ATP8A2: variants seen among roughly 807,000 people sequenced by gnomAD.
The protein encoded by ATP8A2 is phospholipid-transporting ATPase IB.
In ATP8A2, 100 loss-of-function variants were observed where a neutral mutation model predicts 165.6. The ratio of observed to expected loss-of-function variants is 0.60; its 90% CI spans 0.51 to 0.71. The LOEUF is 0.71. Ranked by LOEUF, ATP8A2 falls within the 30% of genes least tolerant of loss-of-function variation. The probability of loss-of-function intolerance (pLI) is 0.00; values close to 1 mark genes in which losing one functional copy is unlikely to be tolerated. For synonymous variants in ATP8A2, 543 were observed against 548.8 expected (o/e 0.99, Z 0.15); for missense variants, 1,227 against 1,479.5 (o/e 0.83, Z 2.80).
chr13:26,009,763 T>A (rs539908951), intron 35 of ATP8A2, among the ~76,000 whole-genome samples: 75 of 152,294 alleles, frequency 4.9e-4, no homozygotes, highest in African/African-American at 1.8e-3. Context: ...AAGTCACATT[T>A]TTAAATAATA....
chr13:25,763,142 C>T (rs2044417684), intron 25 of ATP8A2, among the ~76,000 whole-genome samples: 1 of 152,102 alleles, frequency 6.6e-6, no homozygotes, highest in Non-Finnish European at 1.5e-5. Context: ...AACGCTCATC[C>T]CTGAAAGTCT....
chr13:25,513,763 C>G (rs930273386), intron 2 of ATP8A2, among the ~76,000 whole-genome samples: 2 of 152,170 alleles, frequency 1.3e-5, no homozygotes, highest in South Asian at 2.1e-4. Context: ...GAGACCAGCC[C>G]GGGCAACACA....
At chr13:25,700,828 G>A (rs1456646288) in intron 25 of ATP8A2, among the ~76,000 whole-genome samples, 1 of 152,194 alleles carries the variant, frequency 6.6e-6, no homozygotes, top group African/African-American at 2.4e-5. Context: ...CTGGCAATAT[G>A]TGATTGTTTC....
At chr13:25,936,876 G>T (rs369842099) in intron 33 of ATP8A2, among the ~76,000 whole-genome samples, 4 of 152,284 alleles carry the variant, frequency 2.6e-5, no homozygotes, top group East Asian at 3.9e-4. Context: ...GGTCTGAGGC[G>T]TGGAACTCTG....
intron 24 of ATP8A2, among the ~76,000 whole-genome samples, chr13:25,668,575 A>C (rs922558067): frequency 3.3e-5 from 5 of 152,142 alleles, no homozygotes; most frequent in African/African-American, 1.2e-4. Context: ...TCTTTCATCA[A>C]ATTTGGGAGT....
intron 33 of ATP8A2, among the ~76,000 whole-genome samples, chr13:25,906,525 C>G (rs1237290098): frequency 1.3e-5 from 2 of 152,108 alleles, no homozygotes; most frequent in African/African-American, 4.8e-5. Context: ...CTCCTCTCCT[C>G]TCTGCCTTTT....
At chr13:25,929,851 C>T (rs1169035387) in intron 33 of ATP8A2, among the ~76,000 whole-genome samples, 1 of 152,154 alleles carries the variant, frequency 6.6e-6, no homozygotes, top group South Asian at 2.1e-4. Flanking sequence ...CCAAACCTTG[C>T]CTAATCCTGT....
chr13:25,794,434 A>G (rs1950455282), intron 27 of ATP8A2, among the ~76,000 whole-genome samples: 1 of 152,182 alleles, frequency 6.6e-6, no homozygotes. Context: ...CTTTCGTATG[A>G]TTTTGTATAA....
intron 33 of ATP8A2, among the ~76,000 whole-genome samples, chr13:25,869,940 G>A (rs1952629227): frequency 6.6e-6 from 1 of 152,238 alleles, no homozygotes; most frequent in Admixed American, 6.5e-5. Flanking sequence ...CACAAGGACA[G>A]AGGGCTTTGT....
At chr13:25,724,294 C>A (rs2043447564) in intron 25 of ATP8A2, among the ~76,000 whole-genome samples, 1 of 152,158 alleles carries the variant, frequency 6.6e-6, no homozygotes, top group Non-Finnish European at 1.5e-5. Flanking sequence ...CCCAGCACTC[C>A]AGAGAAAGAT....
intron 1 of ATP8A2, among the ~76,000 whole-genome samples, chr13:25,373,161 G>A (rs748921452): frequency 2.0e-5 from 3 of 152,176 alleles, no homozygotes; most frequent in Non-Finnish European, 4.4e-5. Context: ...ATTTCTTACC[G>A]TTTCAGGACT....
At chr13:25,412,829 T>G (rs541464682) in intron 1 of ATP8A2, among the ~76,000 whole-genome samples, 2 of 152,140 alleles carry the variant, frequency 1.3e-5, no homozygotes, top group East Asian at 3.9e-4. Flanking sequence ...GGATCAATTT[T>G]TTTTGGGGGG....
chr13:25,676,669 A>G (rs2137781800), intron 24 of ATP8A2, among the ~76,000 whole-genome samples: 1 of 152,086 alleles, frequency 6.6e-6, no homozygotes. Flanking sequence ...CAGACAACAC[A>G]TTAAGTGATT....
intron 25 of ATP8A2, among the ~76,000 whole-genome samples, chr13:25,733,875 C>T (rs762782238): frequency 3.9e-5 from 6 of 152,180 alleles, no homozygotes; most frequent in African/African-American, 7.2e-5. Flanking sequence ...GTTTAACACC[C>T]TTTGATGTCA....
intron 25 of ATP8A2, among the ~76,000 whole-genome samples, chr13:25,742,182 G>T (rs1418108245): frequency 6.6e-6 from 1 of 152,082 alleles, no homozygotes; most frequent in Non-Finnish European, 1.5e-5. Flanking sequence ...AATACTGTAG[G>T]TGATTGCAAC....
At chr13:25,439,512 T>C (rs1168562899) in intron 1 of ATP8A2, among the ~76,000 whole-genome samples, 2 of 152,240 alleles carry the variant, frequency 1.3e-5, no homozygotes, top group East Asian at 3.8e-4. Context: ...GTCAGACTTT[T>C]AAAGCTTTCT....
At position 25,869,970 on chromosome 13, in the gene ATP8A2, T is replaced by G. The variant is rs549936371; in HGVS notation, c.3183+7562T>G. On this transcript the variant is annotated intron_variant, in intron 33 of 36. Coordinates refer to ENST00000381655, the MANE Select transcript of ATP8A2 (RefSeq NM_016529.6). ...CTTTGTGTATCCCAGGTTCTTGCCT[T>G]GGTTTACCGGAAGAATCAGATCACA... is the stretch of plus-strand genomic sequence containing the variant. 3.3e-5 allele frequency among the ~76,000 whole-genome samples: 5 copies of G among 152,334 alleles called. No individual in the cohort carries two copies. The South Asian group carries it at 1.0e-3, about 32-fold the overall frequency.
intron 13 of ATP8A2, among the ~76,000 whole-genome samples, chr13:25,558,455 T>C (rs1464131821): frequency 1.3e-5 from 2 of 152,222 alleles, no homozygotes; most frequent in Admixed American, 6.5e-5. Flanking sequence ...TATTGTATCA[T>C]TAAGAAAAAT....
rs186824751 is a variant in ATP8A2, at chr13:26,023,421, G to A, written c.*3436G>A. 6.6e-5 allele frequency: 10 copies of A among 152,242 alleles called. No homozygotes were observed. In the East Asian group the frequency reaches 9.7e-4, roughly 15 times the overall value. 9.4% of individuals were successfully genotyped at this position (152,242 alleles called of 1,614,324 possible). ...TTTCCCTTGACAAGGCTTCAGGTTC[G>A]TCTCACTATAGGGAGCTGGCTGTGA... On this transcript the variant is annotated 3_prime_UTR_variant, in exon 37 of 37. Transcript: ENST00000381655.
Sources: allele counts gnomAD v4.1 joint callset (sites outside exome capture counted in the v4.1 genomes callset), GRCh38; gene constraint gnomAD v4.1.1; transcripts MANE v1.5; gene names NCBI Gene and HGNC (gene_info 2026-07-23, HGNC 2026-07-21).